Variants in SEC24A observed in about 807,000 individuals in gnomAD.
SEC24A encodes protein transport protein Sec24A.
In SEC24A, 93 loss-of-function variants were observed where a neutral mutation model predicts 129.4. The observed-to-expected ratio is 0.72, with a 90% CI of 0.61 to 0.85. The LOEUF is 0.85. Among genes scored for constraint, SEC24A ranks in the 40% least tolerant of loss-of-function variants. SEC24A has a pLI of 0.00. For synonymous variants in SEC24A, 460 were observed against 467.3 expected (o/e 0.98, Z 0.20); for missense variants, 1,264 against 1,307.4 (o/e 0.97, Z 0.51).
Position 134,680,837 on chromosome 5 carries a change from C to T in SEC24A, c.1381+1109C>T, listed in dbSNP as rs1218135123. 5.3e-5 allele frequency among the ~76,000 whole-genome samples: 8 copies of T among 152,218 alleles called. No homozygotes were observed. The East Asian group carries it at 5.8e-4, about 11-fold the overall frequency. ...TTTATTGGATGGGCACGGTGGCTTA[C>T]GCCTCTAATCTCAGCACTTTGGGAG... is the stretch of plus-strand genomic sequence containing the variant. On this transcript the variant is annotated intron_variant, in intron 8 of 22. Coordinates refer to ENST00000398844, the MANE Select transcript of SEC24A (RefSeq NM_021982.3).
At chr5:134,679,751 A>G (rs1410048479) in intron 8 of SEC24A, 23 bp downstream of exon 8, 3 of 1,537,348 alleles carry the variant, frequency 2.0e-6, no homozygotes, top group Non-Finnish European at 2.7e-6. Context: ...TTTTTGAAAC[A>G]TTTAAACGTT....
chr5:134,719,655 T>TC lies in SEC24A; in HGVS notation c.2971-1341dup, dbSNP rs1331649062. Among the ~76,000 whole-genome samples the TC allele has an allele frequency of 2.6e-5, 4 of 152,098 alleles. No individual in the cohort carries two copies. In the East Asian group the frequency reaches 7.7e-4, roughly 29 times the overall value. On this transcript the variant is annotated intron_variant, in intron 20 of 22. Transcript: ENST00000398844. Reference sequence around the variant, plus strand: ...GTGAGCTGAGATCATACCACTGCACTCCAGCCTGGGCAGCAGAACAAGGCC... The same window carrying TC: ...GTGAGCTGAGATCATACCACTGCACTCCCAGCCTGGGCAGCAGAACAAGGCC...
chr5:134,648,410 G>A (rs1403817490), upstream of SEC24A: 1 of 152,322 alleles, frequency 6.6e-6, no homozygotes, highest in African/African-American at 2.4e-5. Context: ...GGTCTCAACA[G>A]AGGACGATGA....
rs765776024 is a variant in SEC24A at position 134,721,098 on chromosome 5, T to A, written c.3063+8T>A. 3 of 1,519,174 alleles carry A rather than the reference T, an allele frequency of 2.0e-6. No homozygotes were observed. The African/African-American group carries it at 4.1e-5, about 21-fold the overall frequency. The allele number at this position is 1,519,174 out of a possible 1,614,324, so 94.1% of individuals were successfully genotyped here. Reference sequence around the variant, plus strand: ...TCAATTCCACAGCCTATGGTAAGACTCTTTTATTATAGTGATTATAAAGGG... The same window carrying A: ...TCAATTCCACAGCCTATGGTAAGACACTTTTATTATAGTGATTATAAAGGG... On this transcript the variant is annotated splice_region_variant and intron_variant, in intron 21 of 22. Coordinates refer to ENST00000398844, the MANE Select transcript of SEC24A (RefSeq NM_021982.3).
chr5:134,687,272 C>T (rs1751486065), intron 10 of SEC24A, among the ~76,000 whole-genome samples: 1 of 152,164 alleles, frequency 6.6e-6, no homozygotes, highest in South Asian at 2.1e-4. Context: ...TTATACCTAA[C>T]TATAATACTA....
chr5:134,682,358 G>T lies in SEC24A; in HGVS notation c.1382-15G>T. ...TTTCAGTTTTTTCAATATGTGTATT[G>T]TTAACTTTATATAGTTCCTGAAGAA... On this transcript the variant is annotated splice_polypyrimidine_tract_variant and intron_variant, in intron 8 of 22. Coordinates refer to ENST00000398844, the MANE Select transcript of SEC24A (RefSeq NM_021982.3). 1 of 1,404,654 alleles carries T rather than the reference G, an allele frequency of 7.1e-7. No homozygotes were observed. Among genetic ancestry groups the T allele is most frequent in the Non-Finnish European group, 1.0e-6 (1 of 1,002,908 alleles). The allele number at this position is 1,404,654 out of a possible 1,614,324, so 87.0% of individuals were successfully genotyped here. A position where few individuals can be genotyped will look rare whatever the true frequency, so the allele number is the denominator to read the frequency against.
At chr5:134,715,704 G>A (rs1398856872) in intron 19 of SEC24A, 3 of 153,296 alleles carry the variant, frequency 2.0e-5, no homozygotes, top group Non-Finnish European at 2.9e-5. Flanking sequence ...GGGACAAGGA[G>A]ACAGAGATCA....
chr5:134,723,769 T>A (rs1752686603), intron 22 of SEC24A, 99 bp downstream of exon 22: 1 of 707,362 alleles, frequency 1.4e-6, no homozygotes, highest in South Asian at 1.7e-5. Flanking sequence ...AGAAAAAGAG[T>A]TCTTCTCAAT....
intron 1 of SEC24A, among the ~76,000 whole-genome samples, chr5:134,652,069 A>T (rs1438441365): frequency 1.3e-5 from 2 of 148,378 alleles, no homozygotes; most frequent in East Asian, 4.1e-4. Context: ...TTACAGGTGC[A>T]TGCCACCACA....
At chr5:134,700,050 GT>G (rs1031711377) in intron 15 of SEC24A, among the ~76,000 whole-genome samples, 17 of 145,588 alleles carry the variant, frequency 1.2e-4, no homozygotes, top group African/African-American at 1.8e-4. Flanking sequence ...AACCTGGTGG[GT>G]TTTTTTTTTA....
chr5:134,711,585 T>A (rs949037901), intron 18 of SEC24A, among the ~76,000 whole-genome samples: 2 of 88,220 alleles, frequency 2.3e-5, no homozygotes, highest in Non-Finnish European at 5.0e-5. Context: ...TTTTTTTTTT[T>A]AACAGTCTCG....
intron 9 of SEC24A, among the ~76,000 whole-genome samples, chr5:134,684,942 G>C (rs1400330568): frequency 6.6e-6 from 1 of 152,118 alleles, no homozygotes; most frequent in Non-Finnish European, 1.5e-5. Context: ...TCTATCTCTT[G>C]AGGGGCAGGT....
chr5:134,718,419 C>CT (rs1752539292), intron 20 of SEC24A, among the ~76,000 whole-genome samples: 3 of 151,972 alleles, frequency 2.0e-5, no homozygotes, highest in Admixed American at 2.0e-4. Context: ...TTTATTATTG[C>CT]TTTGGAATGT....
intron 17 of SEC24A, among the ~76,000 whole-genome samples, chr5:134,707,059 AATCCT>A (rs1317171164): frequency 3.9e-5 from 6 of 151,966 alleles, no homozygotes; most frequent in Non-Finnish European, 7.4e-5. Flanking sequence ...GCTGATCTTG[AATCCT>A]GGGCTCAAGC....
In SEC24A at chr5:134,710,434, T is replaced by C. The variant is rs529584698; in HGVS notation, c.2727+1546T>C. 4.6e-5 allele frequency among the ~76,000 whole-genome samples: 7 copies of C among 152,240 alleles called. No individual in the cohort carries two copies. The South Asian group carries it at 1.5e-3, about 32-fold the overall frequency. On this transcript the variant is annotated intron_variant, in intron 18 of 22. Transcript: ENST00000398844. ...TTTTAGTAGAGACAGGGTTTCACCA[T>C]ATTGGTTAGGCTGGTTTCTAACGCC... is the stretch of plus-strand genomic sequence containing the variant.
In SEC24A at chr5:134,726,173, G is replaced by T. The variant is rs1377692814; in HGVS notation, c.*1079G>T. 2 of 152,492 alleles carry T rather than the reference G, an allele frequency of 1.3e-5. No homozygotes were observed. The highest frequency in any genetic ancestry group is 4.8e-5 in the African/African-American group (2 of 41,430). 9.4% of individuals were successfully genotyped at this position (152,492 alleles called of 1,614,324 possible). A position where few individuals can be genotyped will look rare whatever the true frequency, so the allele number is the denominator to read the frequency against. ...CATATTAAAGTTATGAAAGAAACTT[G>T]ACTTCTGAAAATCCTTAAGAGACTG... On this transcript the variant is annotated 3_prime_UTR_variant, in exon 23 of 23. Transcript: ENST00000398844.
rs1241940206 is a variant in SEC24A, at chr5:134,693,826, A to T, written c.1879A>T (p.Met627Leu). ...GPALQAAFKL[M>L]SPTGGRMSVF... Reference sequence around the variant, plus strand: ...TGCACTGCAGGCTGCCTTTAAGCTGATGTCTCCAACTGGTGGTCGAATGTC... The same window carrying T: ...TGCACTGCAGGCTGCCTTTAAGCTGTTGTCTCCAACTGGTGGTCGAATGTC... The change falls in exon 13 of 23, where the codon ATG (methionine) becomes TTG (leucine). Residue 627 changes from methionine to leucine, a missense_variant. Met to Leu is a conservative substitution (Grantham distance 15, BLOSUM62 2). Coordinates refer to ENST00000398844, the MANE Select transcript of SEC24A (RefSeq NM_021982.3). The T allele has an allele frequency of 6.2e-7, 1 of 1,614,036 alleles. No homozygotes were observed. The highest frequency in any genetic ancestry group is 1.3e-5 in the African/African-American group (1 of 74,930).
At chr5:134,705,125 GA>G (rs1179035919) in intron 16 of SEC24A, among the ~76,000 whole-genome samples, 4 of 133,796 alleles carry the variant, frequency 3.0e-5, no homozygotes, top group South Asian at 2.4e-4. Flanking sequence ...TTTTTTTTAA[GA>G]GATGGAGTCT....
chr5:134,693,666 G>T, intron 12 of SEC24A, 61 bp from the exon 13 acceptor site: 2 of 1,584,354 alleles, frequency 1.3e-6, no homozygotes, highest in South Asian at 2.3e-5. Context: ...ATGAGATACT[G>T]ACTTAATGTG....
Sources: allele counts gnomAD v4.1 joint callset (sites outside exome capture counted in the v4.1 genomes callset), GRCh38; gene constraint gnomAD v4.1.1; transcripts MANE v1.5; gene names NCBI Gene and HGNC (gene_info 2026-07-23, HGNC 2026-07-21).